Variants in LPP observed in about 807,000 individuals in gnomAD.
The protein encoded by LPP is lipoma-preferred partner.
Under a neutral mutation model 60.4 loss-of-function variants are expected in LPP, and 38 were observed. That is an observed-to-expected ratio of 0.63 (90% CI 0.49 to 0.83). The LOEUF (loss-of-function observed/expected upper bound fraction) is 0.83, where lower values mean the gene tolerates loss of function less well. Among genes scored for constraint, LPP ranks in the 40% least tolerant of loss-of-function variants. The pLI is 0.00. For synonymous variants in LPP, 328 were observed against 290.8 expected, an observed-to-expected ratio of 1.13 and a Z score of -1.30; for missense variants, 902 against 783.6, an observed-to-expected ratio of 1.15 and a Z score of -1.80.
At chr3:188,550,603 G>C (rs1025790400) in intron 6 of LPP, among the ~76,000 whole-genome samples, 185 of 125,404 alleles carry the variant, frequency 1.5e-3, no homozygotes, top group African/African-American at 6.0e-3. Flanking sequence ...AAAAAAAATC[G>C]AACAAGTCTT....
intron 2 of LPP, among the ~76,000 whole-genome samples, chr3:188,227,015 C>A (rs1223458172): frequency 1.3e-5 from 2 of 152,014 alleles, no homozygotes; most frequent in Non-Finnish European, 2.9e-5. Flanking sequence ...ATCTTTGTCA[C>A]CTCCTCTATG....
intron 4 of LPP, among the ~76,000 whole-genome samples, chr3:188,422,834 G>A (rs955376335): frequency 1.3e-5 from 2 of 151,374 alleles, no homozygotes; most frequent in East Asian, 1.9e-4. Flanking sequence ...ACCTATATGC[G>A]TTTCTCTTTG....
At chr3:188,402,111 A>T (rs929966094) in intron 3 of LPP, among the ~76,000 whole-genome samples, 3 of 152,168 alleles carry the variant, frequency 2.0e-5, no homozygotes, top group Non-Finnish European at 4.4e-5. Context: ...TTAAAAGAAG[A>T]TGTATTTAGA....
At chr3:188,389,125 ATGTGTGTGCGTATG>A (rs1779072249) in intron 3 of LPP, among the ~76,000 whole-genome samples, 1 of 151,552 alleles carries the variant, frequency 6.6e-6, no homozygotes, top group African/African-American at 2.4e-5. Flanking sequence ...GTGTGTATGT[ATGTGTGTGCGTATG>A]TGTGTGTGTG....
rs573187399 is a variant in LPP, at chr3:188,154,187, A to AGCAGCC, written c.-253_-252insAGCCGC. The AGCAGCC allele has an allele frequency of 2.0e-4, 42 of 212,026 alleles. No homozygotes were observed. The highest frequency in any genetic ancestry group is 3.2e-4 in the Non-Finnish European group (35 of 109,166). 13.1% of individuals were successfully genotyped at this position (212,026 alleles called of 1,614,324 possible). A position where few individuals can be genotyped will look rare whatever the true frequency, so the allele number is the denominator to read the frequency against. On this transcript the variant is annotated 5_prime_UTR_variant, in exon 1 of 12. Coordinates refer to ENST00000617246, the MANE Select transcript of LPP (RefSeq NM_001375462.1). ...CTCCTCTGCCTCTGCCTCCGCCTCC[A>AGCAGCC]GCCGCCGCCGCCGCCGCCGCCGCCG...
intron 2 of LPP, among the ~76,000 whole-genome samples, chr3:188,255,624 G>T (rs887446746): frequency 6.6e-6 from 1 of 152,150 alleles, no homozygotes; most frequent in Admixed American, 6.5e-5. Context: ...TCTTCCTATA[G>T]TGTTTAATTC....
intron 7 of LPP, among the ~76,000 whole-genome samples, chr3:188,655,414 C>T (rs1462606166): frequency 1.3e-5 from 2 of 152,070 alleles, no homozygotes; most frequent in African/African-American, 2.4e-5. Flanking sequence ...CAGCATAAGG[C>T]GGGTTTTAGA....
chr3:188,800,069 A>G (rs1436907505), intron 9 of LPP, among the ~76,000 whole-genome samples: 1 of 152,064 alleles, frequency 6.6e-6, no homozygotes, highest in Non-Finnish European at 1.5e-5. Flanking sequence ...TCTAAAAATA[A>G]TAATGTATAT....
intron 3 of LPP, among the ~76,000 whole-genome samples, chr3:188,365,970 C>T (rs551183663): frequency 5.9e-5 from 9 of 152,106 alleles, no homozygotes; most frequent in Non-Finnish European, 1.0e-4. Flanking sequence ...CTACAGCCAC[C>T]GCACTGTGTA....
intron 9 of LPP, among the ~76,000 whole-genome samples, chr3:188,804,179 T>C (rs1203718418): frequency 7.0e-6 from 1 of 143,702 alleles, no homozygotes; most frequent in Non-Finnish European, 1.5e-5. Context: ...TTTATTCTAG[T>C]AGCTTTTTTT....
At chr3:188,631,096 A>G (rs976413298) in intron 7 of LPP, among the ~76,000 whole-genome samples, 1 of 152,154 alleles carries the variant, frequency 6.6e-6, no homozygotes, top group African/African-American at 2.4e-5. Context: ...GGGTGATGAA[A>G]TAGTTTGTAC....
At position 188,376,223 on chromosome 3, in the gene LPP, G is replaced by T. The variant is rs1404386974; in HGVS notation, c.-9-29889G>T. 7.2e-5 allele frequency among the ~76,000 whole-genome samples: 11 copies of T among 151,760 alleles called. No homozygotes were observed. The South Asian group carries it at 1.7e-3, about 23-fold the overall frequency. The stretch of plus-strand genomic sequence containing the variant: ...AGTTCTGTAGATGTCTATTAGGTCT[G>T]CTTGGTGCAGAGCTGAGTTCAATTC... On this transcript the variant is annotated intron_variant, in intron 3 of 11. Transcript: ENST00000617246.
At chr3:188,763,659 T>C (rs1250813781) in intron 9 of LPP, among the ~76,000 whole-genome samples, 1 of 152,158 alleles carries the variant, frequency 6.6e-6, no homozygotes, top group African/African-American at 2.4e-5. Flanking sequence ...TAGTTTTGCA[T>C]TGTTAGTATT....
chr3:188,326,950 C>T (rs1227208943), intron 2 of LPP, among the ~76,000 whole-genome samples: 3 of 152,068 alleles, frequency 2.0e-5, no homozygotes, highest in African/African-American at 7.2e-5. Context: ...ACACAATGAA[C>T]GTGACTTTTT....
chr3:188,399,821 T>C (rs1781823894), intron 3 of LPP, among the ~76,000 whole-genome samples: 1 of 152,224 alleles, frequency 6.6e-6, no homozygotes, highest in African/African-American at 2.4e-5. Context: ...ATATAAATCT[T>C]TTTAGAAGAG....
chr3:188,220,541 G>A (rs551540756), intron 1 of LPP, among the ~76,000 whole-genome samples: 1 of 152,340 alleles, frequency 6.6e-6, no homozygotes, highest in African/African-American at 2.4e-5. Context: ...CGAGGTTTCA[G>A]GCCTGGCTGA....
chr3:188,267,337 T>C (rs1443575416), intron 2 of LPP, among the ~76,000 whole-genome samples: 1 of 152,208 alleles, frequency 6.6e-6, no homozygotes, highest in Non-Finnish European at 1.5e-5. Flanking sequence ...TTCTGAGGAA[T>C]CTCTGTTAGT....
intron 9 of LPP, among the ~76,000 whole-genome samples, chr3:188,792,853 A>G (rs1264915986): frequency 1.3e-5 from 2 of 152,156 alleles, no homozygotes; most frequent in Admixed American, 6.5e-5. Flanking sequence ...TATCAGCTGT[A>G]TGGAGAGTAT....
intron 9 of LPP, among the ~76,000 whole-genome samples, chr3:188,841,433 C>T (rs1373237789): frequency 7.0e-6 from 1 of 142,440 alleles, no homozygotes; most frequent in Non-Finnish European, 1.5e-5. Flanking sequence ...CGCTCTGTCA[C>T]CAAGCTGGAG....
Sources: gnomAD v4.1 joint callset for allele counts (sites outside exome capture counted in the v4.1 genomes callset) on GRCh38, gnomAD v4.1.1 for gene constraint, MANE v1.5 for transcripts, NCBI Gene and HGNC (gene_info 2026-07-23, HGNC 2026-07-21) for gene names.